ANKRD18B: variants seen among roughly 807,000 people sequenced by gnomAD.
ANKRD18B encodes the protein ankyrin repeat domain 18B, also known as ankyrin repeat domain-containing protein 18B.
A neutral mutation model predicts 111.8 loss-of-function variants in ANKRD18B; 75 were observed. The observed-to-expected ratio is 0.67, with a 90% confidence interval of 0.56 to 0.81. The LOEUF (loss-of-function observed/expected upper bound fraction) is 0.81, where lower values mean the gene tolerates loss of function less well. ANKRD18B is among the 40% of genes least tolerant of loss of function. ANKRD18B has a pLI of 0.00. For missense variants in ANKRD18B, 1,038 were observed against 1,225.5 expected (o/e 0.85, Z 2.28); for synonymous variants, 356 against 417.3 (o/e 0.85, Z 1.79).
chr9:33,550,819 A>G (rs1381544741), intron 12 of ANKRD18B, among the ~76,000 whole-genome samples: 1 of 152,204 alleles, frequency 6.6e-6, no homozygotes, highest in African/African-American at 2.4e-5. Flanking sequence ...AAAGTTGAGA[A>G]TGATACATCA....
At position 33,536,813 on chromosome 9, in the gene ANKRD18B, CTGTT is replaced by C. The variant is rs374418520; in HGVS notation, c.741-62_741-59del. The C allele has an allele frequency of 9.6e-4, 993 of 1,034,360 alleles. 6 individuals carry two copies. In the African/African-American group the frequency reaches 0.015, roughly 16 times the overall value. 64.1% of individuals were successfully genotyped at this position (1,034,360 alleles called of 1,614,324 possible). ...GTCTGAAATGCTTTAAGAATTTAAT[CTGTT>C]TGGTAAATATTTTTCATATCACTAT... On this transcript the variant is annotated intron_variant, in intron 5 of 18. Transcript: ENST00000684830.
chr9:33,571,168 A>G (rs1308538733), intron 17 of ANKRD18B, 78 bp from the exon 18 acceptor site: 2 of 533,330 alleles, frequency 3.8e-6, no homozygotes, highest in Non-Finnish European at 5.0e-6. Flanking sequence ...CACATTTTGT[A>G]AGTAATATGT....
intron 14 of ANKRD18B, among the ~76,000 whole-genome samples, chr9:33,563,878 A>G (rs1374538172): frequency 3.3e-5 from 5 of 152,180 alleles, no homozygotes; most frequent in Non-Finnish European, 7.3e-5. Context: ...ATCAGAACTC[A>G]TTCCTCTTAT....
At chr9:33,562,657 A>G (rs1828623780) in intron 14 of ANKRD18B, among the ~76,000 whole-genome samples, 1 of 152,252 alleles carries the variant, frequency 6.6e-6, no homozygotes, top group Admixed American at 6.5e-5. Context: ...GCATTGTGGT[A>G]TAATACAGAG....
At position 33,530,581 on chromosome 9, in the gene ANKRD18B, G is replaced by A. The variant is rs527266109; in HGVS notation, c.495+1408G>A. 2.8e-4 allele frequency among the ~76,000 whole-genome samples: 40 copies of A among 141,664 alleles called. 1 individual carries two copies. Among genetic ancestry groups the A allele is most frequent in the Non-Finnish European group, 5.2e-4 (34 of 65,674 alleles). 92.9% of individuals were successfully genotyped at this position (141,664 alleles called of 152,430 possible). The stretch of plus-strand genomic sequence containing the variant: ...GTTCGAATACACTCCTGATTAAGAA[G>A]CACAGAATAGATAAGTGCAGGATAT... On this transcript the variant is annotated intron_variant, in intron 3 of 18. Coordinates refer to ENST00000684830, the MANE Select transcript of ANKRD18B (RefSeq NM_001393611.1).
chr9:33,550,424 T>A lies in ANKRD18B; in HGVS notation c.2068-6T>A, dbSNP rs1274463515. 1 of 1,525,974 alleles carries A rather than the reference T, an allele frequency of 6.6e-7. No homozygotes were observed. Among genetic ancestry groups the A allele is most frequent in the Non-Finnish European group, 8.8e-7 (1 of 1,139,216 alleles). 94.5% of individuals were successfully genotyped at this position (1,525,974 alleles called of 1,614,324 possible). ...TATAAAATTGGTAACAAAAATATTT[T>A]GTCAGGTGATTGTGAGAGAATTTCA... On this transcript the variant is annotated splice_polypyrimidine_tract_variant and splice_region_variant and intron_variant, in intron 11 of 18. Transcript: ENST00000684830.
Position 33,567,110 on chromosome 9 carries a change from CA to C in ANKRD18B, c.2751del (p.Glu918AsnfsTer6), listed in dbSNP as rs1237307446. 4 of 1,523,814 alleles carry C rather than the reference CA, an allele frequency of 2.6e-6. No individual in the cohort carries two copies. In the African/African-American group the frequency reaches 5.6e-5, roughly 21 times the overall value. The allele number at this position is 1,523,814 out of a possible 1,614,324, so 94.4% of individuals were successfully genotyped here. A position where few individuals can be genotyped will look rare whatever the true frequency, so the allele number is the denominator to read the frequency against. On this transcript the variant is annotated frameshift_variant, in exon 16 of 19. Coordinates refer to ENST00000684830, the MANE Select transcript of ANKRD18B (RefSeq NM_001393611.1). LOFTEE classifies it high-confidence loss of function. ...TCTTTTCATTTGTTTTAGAAACAAG[CA>C]GAATATGAAAAACAATTAGAGCAGT... ...KLEEIHLQKQ[A>X]EYEKQLEQLN... is the part of the protein sequence containing the mutation.
chr9:33,547,015 A>G (rs1828366463), intron 10 of ANKRD18B, among the ~76,000 whole-genome samples: 1 of 152,154 alleles, frequency 6.6e-6, no homozygotes, highest in African/African-American at 2.4e-5. Flanking sequence ...CCAGGAACCA[A>G]ATGAAAAAAT....
chr9:33,542,355 A>T (rs1828291326), intron 9 of ANKRD18B, among the ~76,000 whole-genome samples: 1 of 145,950 alleles, frequency 6.9e-6, no homozygotes, highest in African/African-American at 2.5e-5. Flanking sequence ...AGGACTTCAC[A>T]TAGAATTTTG....
intron 13 of ANKRD18B, among the ~76,000 whole-genome samples, chr9:33,556,090 G>A (rs919265817): frequency 2.6e-5 from 4 of 152,068 alleles, no homozygotes; most frequent in Non-Finnish European, 4.4e-5. Context: ...TAGATCTCTG[G>A]ATGAGACCAT....
At chr9:33,526,204 T>C (rs971918672) in intron 1 of ANKRD18B, among the ~76,000 whole-genome samples, 1 of 152,208 alleles carries the variant, frequency 6.6e-6, no homozygotes, top group African/African-American at 2.4e-5. Context: ...ATTTTAAAAA[T>C]GTATATGCCC....
At chr9:33,533,872 TATTACC>T (rs900542292) in intron 4 of ANKRD18B, 1 of 157,150 alleles carries the variant, frequency 6.4e-6, no homozygotes, top group Admixed American at 6.8e-5. Context: ...CAACTACTAC[TATTACC>T]ATTATCATTA....
chr9:33,566,486 G>A lies in ANKRD18B; in HGVS notation c.2728G>A (p.Glu910Lys). The change falls in exon 15 of 19, where the codon GAA (glutamate) becomes AAA (lysine). Residue 910 changes from glutamate to lysine, a missense_variant. This residue lies in a region of ANKRD18B where 524 missense variants were observed against 677.9 expected (regional missense o/e 0.77). Transcript: ENST00000684830. Reference protein sequence around the residue: ...RAMQAIEKLEEIHLQKQAEYE... With the variant: ...RAMQAIEKLEKIHLQKQAEYE... ...AATGCAGGCAATAGAAAAATTAGAA[G>A]AAATCCATTTACAGGTTAGTTTTTA... The A allele has an allele frequency of 1.2e-6, 2 of 1,605,876 alleles. No individual in the cohort carries two copies. Among genetic ancestry groups the A allele is most frequent in the Non-Finnish European group, 1.7e-6 (2 of 1,178,360 alleles).
Position 33,568,722 on chromosome 9 carries a change from G to C in ANKRD18B, c.3006G>C (p.Glu1002Asp). The C allele has an allele frequency of 6.4e-7, 1 of 1,551,316 alleles. No homozygotes were observed. Among genetic ancestry groups the C allele is most frequent in the Non-Finnish European group, 8.7e-7 (1 of 1,146,734 alleles). Residue 1002 changes from glutamate to aspartate, a missense_variant, in exon 17 of 19, where the codon GAG becomes GAC. By Grantham distance (45) the Glu-to-Asp change is conservative (BLOSUM62 2). This residue lies in a region of ANKRD18B where 524 missense variants were observed against 677.9 expected (regional missense o/e 0.77). Coordinates refer to ENST00000684830, the MANE Select transcript of ANKRD18B (RefSeq NM_001393611.1). ...VISTKLFMEK[E>D]RMEYFLSTLP... is the part of the protein sequence containing the mutation. ...GCACCAAGCTCTTTATGGAGAAAGAGCGGATGGAATATTTTCTCAGCACTC... is the reference window on the plus strand; with the variant it reads ...GCACCAAGCTCTTTATGGAGAAAGACCGGATGGAATATTTTCTCAGCACTC...
intron 9 of ANKRD18B, among the ~76,000 whole-genome samples, chr9:33,542,964 A>G (rs1310097386): frequency 6.6e-6 from 1 of 151,768 alleles, no homozygotes; most frequent in African/African-American, 2.4e-5. Context: ...AGACTTTTGC[A>G]TGGCTTGAAC....
rs982520133 is a variant in ANKRD18B, at chr9:33,529,102, G to T, written c.424G>T (p.Val142Leu). 1 of 1,611,994 alleles carries T rather than the reference G, an allele frequency of 6.2e-7. No homozygotes were observed. The highest frequency in any genetic ancestry group is 8.5e-7 in the Non-Finnish European group (1 of 1,179,850). ...IYGNTALHYA[V>L]YNEGTSLAER... ...CGGCAACACTGCTCTCCATTATGCC[G>T]TGTATAATGAGGGGACTTCACTGGC... The change falls in exon 3 of 19, where the codon GTG (valine) becomes TTG (leucine). Residue 142 changes from valine to leucine, a missense_variant. Val to Leu is a conservative substitution (Grantham distance 32). Transcript: ENST00000684830.
intron 3 of ANKRD18B, among the ~76,000 whole-genome samples, chr9:33,532,842 AG>A (rs757911254): frequency 6.6e-6 from 1 of 152,222 alleles, no homozygotes; most frequent in Non-Finnish European, 1.5e-5. Flanking sequence ...TGCCACAAAA[AG>A]TATTGTCAAA....
intron 14 of ANKRD18B, among the ~76,000 whole-genome samples, chr9:33,565,043 T>C (rs981996945): frequency 6.6e-6 from 1 of 152,208 alleles, no homozygotes; most frequent in African/African-American, 2.4e-5. Context: ...TTGTCTATCA[T>C]TTGTTTGTTG....
intron 5 of ANKRD18B, among the ~76,000 whole-genome samples, chr9:33,535,861 C>A (rs968902747): frequency 1.4e-5 from 2 of 146,964 alleles, no homozygotes; most frequent in African/African-American, 5.0e-5. Flanking sequence ...TAATGAAAAT[C>A]ATTATAAAAG....
Sources: gnomAD v4.1 joint callset for allele counts (sites outside exome capture counted in the v4.1 genomes callset) on GRCh38, gnomAD v4.1.1 for gene constraint, gnomAD v4.1.1 regional missense constraint, MANE v1.5 for transcripts, NCBI Gene and HGNC (gene_info 2026-07-23, HGNC 2026-07-21) for gene names.